AKR1B10: variants seen among roughly 807,000 people sequenced by gnomAD.
AKR1B10 encodes ARP.
In AKR1B10, 39 loss-of-function variants were observed where a neutral mutation model predicts 38.9. The observed-to-expected ratio is 1.00, with a 90% CI of 0.78 to 1.31. The LOEUF is 1.31. AKR1B10 is among the 50% of genes most tolerant of loss of function. AKR1B10 has a pLI of 0.00. For missense variants in AKR1B10, 361 were observed against 382.6 expected, an observed-to-expected ratio of 0.94 and a Z score of 0.47; for synonymous variants, 148 against 141.2, an observed-to-expected ratio of 1.05 and a Z score of -0.34.
At chr7:134,534,415 C>T (rs190893119) in intron 4 of AKR1B10, among the ~76,000 whole-genome samples, 1 of 152,316 alleles carries the variant, frequency 6.6e-6, no homozygotes, top group Admixed American at 6.5e-5. Flanking sequence ...AGCCACCACA[C>T]CTGGCTATTT....
chr7:134,532,269 A>G (rs1485788212), intron 3 of AKR1B10, among the ~76,000 whole-genome samples: 1 of 152,160 alleles, frequency 6.6e-6, no homozygotes, highest in African/African-American at 2.4e-5. Flanking sequence ...CTGAGAGAAG[A>G]CATGATTTCT....
intron 6 of AKR1B10, among the ~76,000 whole-genome samples, 161 bp from the exon 7 acceptor site, chr7:134,537,419 G>A (rs1185604136): frequency 6.6e-6 from 1 of 152,168 alleles, no homozygotes; most frequent in Non-Finnish European, 1.5e-5. Context: ...AAAATGCTGA[G>A]GCTTCAGAGC....
Position 134,538,097 on chromosome 7 carries a change from A to C in AKR1B10, c.742-97A>C, listed in dbSNP as rs888560179. The C allele has an allele frequency of 1.1e-4, 130 of 1,156,512 alleles. No homozygotes were observed. The African/African-American group carries it at 1.9e-3, about 17-fold the overall frequency. 71.6% of individuals were successfully genotyped at this position (1,156,512 alleles called of 1,614,324 possible). A position where few individuals can be genotyped will look rare whatever the true frequency, so the allele number is the denominator to read the frequency against. On this transcript the variant is annotated intron_variant, in intron 7 of 9. Coordinates refer to ENST00000359579, the MANE Select transcript of AKR1B10 (RefSeq NM_020299.5). ...CAGTAATTATTAGCGATTGTACCTG[A>C]AGCCACAGTGAGCTGCAGAGATGTT... is the stretch of plus-strand genomic sequence containing the variant.
intron 7 of AKR1B10, 104 bp downstream of exon 7, chr7:134,537,765 A>G: frequency 1.5e-6 from 2 of 1,362,052 alleles, no homozygotes; most frequent in Non-Finnish European, 1.0e-6. Flanking sequence ...GGAAGAATAT[A>G]GGAGCTGAAG....
At chr7:134,533,204 G>C (rs1807911028) in intron 4 of AKR1B10, 123 bp downstream of exon 4, 2 of 797,952 alleles carry the variant, frequency 2.5e-6, no homozygotes, top group Non-Finnish European at 3.9e-6. Flanking sequence ...TGATTTTCTA[G>C]CTCTTCTAAT....
intron 2 of AKR1B10, among the ~76,000 whole-genome samples, chr7:134,531,287 C>A (rs1807848914): frequency 6.6e-6 from 1 of 152,078 alleles, no homozygotes; most frequent in Non-Finnish European, 1.5e-5. Context: ...GTGAGGGATA[C>A]AATGTTATAA....
At chr7:134,540,945 C>T in intron 9 of AKR1B10, 102 bp from the exon 10 acceptor site, 3 of 866,866 alleles carry the variant, frequency 3.5e-6, no homozygotes, top group South Asian at 1.4e-5. Flanking sequence ...TAAGAGAGCA[C>T]AAATATGATA....
rs139045134 is a variant in AKR1B10 at position 134,533,025 on chromosome 7, A to G, written c.373A>G (p.Lys125Glu). The G allele has an allele frequency of 5.3e-5, 85 of 1,602,190 alleles. No individual in the cohort carries two copies. The highest frequency in any genetic ancestry group is 2.2e-4 in the African/African-American group (16 of 74,356). The part of the protein sequence containing the change: ...GFKSGDDLFP[K>E]DDKGNAIGGK... ...ACAGTCTGGGGATGACCTTTTCCCC[A>G]AAGATGATAAAGGTAATGCCATCGG... is the stretch of plus-strand genomic sequence containing the variant. Residue 125 changes from lysine (K) to glutamate (E), a missense_variant, in exon 4 of 10, where the codon AAA becomes GAA. Transcript: ENST00000359579.
Position 134,527,878 on chromosome 7 carries a change from T to C in AKR1B10, c.-34T>C, listed in dbSNP as rs957454198. 8 of 1,612,228 alleles carry C rather than the reference T, an allele frequency of 5.0e-6. No homozygotes were observed. The highest frequency in any genetic ancestry group is 1.7e-5 in the Admixed American group (1 of 60,020). ...AACAGAGAGCAGGACGTGAGACTTC[T>C]ACCTGCTCACTCAGAATCATTTCTG... On this transcript the variant is annotated 5_prime_UTR_variant, in exon 1 of 10. Coordinates refer to ENST00000359579, the MANE Select transcript of AKR1B10 (RefSeq NM_020299.5).
At position 134,530,293 on chromosome 7, in the gene AKR1B10, G is replaced by A. The variant is rs1708430; in HGVS notation, c.67-350G>A. 4.8e-3 allele frequency among the ~76,000 whole-genome samples: 725 copies of A among 152,276 alleles called. 1 individual carries two copies. Among genetic ancestry groups the A allele is most frequent in the African/African-American group, 0.016 (667 of 41,562 alleles). ...TTTCAGGACTAACCTGGATGAAAAG[G>A]GAACTGACTTTTAGCTAGGATAGGA... On this transcript the variant is annotated intron_variant, in intron 1 of 9. Coordinates refer to ENST00000359579, the MANE Select transcript of AKR1B10 (RefSeq NM_020299.5).
At position 134,541,363 on chromosome 7, in the gene AKR1B10, C is replaced by A. The variant is rs538698441; in HGVS notation, c.*274C>A. 10 of 360,676 alleles carry A rather than the reference C, an allele frequency of 2.8e-5. No homozygotes were observed. Among genetic ancestry groups the A allele is most frequent in the Admixed American group, 5.0e-5 (1 of 19,908 alleles). 22.3% of individuals were successfully genotyped at this position (360,676 alleles called of 1,614,324 possible). A position where few individuals can be genotyped will look rare whatever the true frequency, so the allele number is the denominator to read the frequency against. On this transcript the variant is annotated 3_prime_UTR_variant, in exon 10 of 10. Transcript: ENST00000359579. The stretch of plus-strand genomic sequence containing the variant: ...TGTTTATTAAGCATCAGAAACTCTG[C>A]CAACACTGAGGATGTAAAGATCAAT...
At chr7:134,533,216 T>C in intron 4 of AKR1B10, 135 bp downstream of exon 4, 1 of 705,808 alleles carries the variant, frequency 1.4e-6, no homozygotes, top group Non-Finnish European at 2.3e-6. Context: ...TCTTCTAATA[T>C]CTTCCTCATC....
At chr7:134,539,861 C>G (rs1030406314) in intron 9 of AKR1B10, among the ~76,000 whole-genome samples, 1 of 152,172 alleles carries the variant, frequency 6.6e-6, no homozygotes, top group Non-Finnish European at 1.5e-5. Context: ...TTTATTACTG[C>G]CAGATCTGTA....
At chr7:134,540,480 G>T (rs557225963) in intron 9 of AKR1B10, among the ~76,000 whole-genome samples, 2 of 152,134 alleles carry the variant, frequency 1.3e-5, no homozygotes, top group Non-Finnish European at 2.9e-5. Flanking sequence ...ATGGGTTGGT[G>T]GGCTCTGCAG....
chr7:134,529,840 CCTCT>C (rs1807802536), intron 1 of AKR1B10, among the ~76,000 whole-genome samples: 1 of 151,654 alleles, frequency 6.6e-6, no homozygotes, highest in Non-Finnish European at 1.5e-5. Context: ...CATTCCCCTC[CCTCT>C]CTCTTTCTTT....
In AKR1B10 at chr7:134,541,135, C is replaced by T; in HGVS notation, c.*46C>T. ...TTATACAGGAGATTCTCTTTCTTCG[C>T]TGAAGTGTGACTACCTCCACTCATG... On this transcript the variant is annotated 3_prime_UTR_variant, in exon 10 of 10. Coordinates refer to ENST00000359579, the MANE Select transcript of AKR1B10 (RefSeq NM_020299.5). The T allele has an allele frequency of 1.4e-6, 2 of 1,427,164 alleles. No individual in the cohort carries two copies. Among genetic ancestry groups the T allele is most frequent in the Non-Finnish European group, 2.0e-6 (2 of 1,021,462 alleles). 88.4% of individuals were successfully genotyped at this position (1,427,164 alleles called of 1,614,324 possible). A position where few individuals can be genotyped will look rare whatever the true frequency, so the allele number is the denominator to read the frequency against.
rs758577784 is a variant in AKR1B10 at position 134,531,991 on chromosome 7, C to T, written c.318C>T (p.Asp106=). ...AGGACCTGAAGCTGAGCTATCTGGA[C>T]GTCTATCTTATTCACTGGCCACAGG... ...TLKDLKLSYL[D]VYLIHWPQGF... The change falls in exon 3 of 10, where the codon GAC becomes GAT. Residue 106 remains aspartate, a synonymous_variant. Transcript: ENST00000359579. The T allele has an allele frequency of 3.3e-5, 53 of 1,613,940 alleles. No homozygotes were observed. The highest frequency in any genetic ancestry group is 4.0e-5 in the African/African-American group (3 of 74,910).
chr7:134,539,421 A>G lies in AKR1B10; in HGVS notation c.908+404A>G, dbSNP rs571462687. Among the ~76,000 whole-genome samples, 279 of 152,278 alleles carry G rather than the reference A, an allele frequency of 1.8e-3. 3 individuals are homozygous for G. The highest frequency in any genetic ancestry group is 2.8e-3 in the Non-Finnish European group (191 of 68,026). ...AAGAAGAGACAACAGAAATAAATCA[A>G]CTCAAAATATAGATGTCAGACAGCA... On this transcript the variant is annotated intron_variant, in intron 9 of 9. Coordinates refer to ENST00000359579, the MANE Select transcript of AKR1B10 (RefSeq NM_020299.5).
At position 134,538,257 on chromosome 7, in the gene AKR1B10, C is replaced by A; in HGVS notation, c.805C>A (p.Arg269Ser). The change falls in exon 8 of 10, where the codon CGC (arginine) becomes AGC (serine). Residue 269 changes from arginine to serine, a missense_variant. Transcript: ENST00000359579. Reference protein sequence around the residue: ...IVIPKSVTPARIVENIQVFDF... With the variant: ...IVIPKSVTPASIVENIQVFDF... ...CATCCCCAAGTCTGTGACACCAGCA[C>A]GCATTGTTGAGAACATTCAGGTAAG... 8 of 1,614,066 alleles carry A rather than the reference C, an allele frequency of 5.0e-6. No homozygotes were observed. Among genetic ancestry groups the A allele is most frequent in the Non-Finnish European group, 6.8e-6 (8 of 1,179,956 alleles).
Sources: gnomAD v4.1 joint callset for allele counts (sites outside exome capture counted in the v4.1 genomes callset) on GRCh38, gnomAD v4.1.1 for gene constraint, MANE v1.5 for transcripts, NCBI Gene and HGNC (gene_info 2026-07-23, HGNC 2026-07-21) for gene names.